Variants in GPRC5A observed in about 807,000 individuals in gnomAD.
The protein encoded by GPRC5A is retinoic acid-induced protein 3.
GPRC5A carries 19 observed loss-of-function variants against 22.5 expected under a neutral mutation model. That is an observed-to-expected ratio of 0.85 (90% CI 0.59 to 1.24). The LOEUF is 1.24. GPRC5A is among the 50% of genes most tolerant of loss of function. The pLI is 0.00. For missense variants in GPRC5A, 471 were observed against 451.1 expected, an observed-to-expected ratio of 1.04 and a Z score of -0.40; for synonymous variants, 192 against 184.5, an observed-to-expected ratio of 1.04 and a Z score of -0.33.
chr12:12,910,127 G>T (rs920449560), intron 2 of GPRC5A, among the ~76,000 whole-genome samples: 1 of 152,034 alleles, frequency 6.6e-6, no homozygotes, highest in East Asian at 1.9e-4. Context: ...CTAATCACAG[G>T]GGGTGGGTGG....
At chr12:12,902,621 T>G (rs148762091) in intron 1 of GPRC5A, among the ~76,000 whole-genome samples, 2 of 151,808 alleles carry the variant, frequency 1.3e-5, no homozygotes, top group Non-Finnish European at 2.9e-5. Flanking sequence ...ATTAAAAAAA[T>G]TAGCCAGGTG....
chr12:12,904,000 G>C (rs960880517), intron 1 of GPRC5A, among the ~76,000 whole-genome samples: 2 of 152,226 alleles, frequency 1.3e-5, no homozygotes, highest in Non-Finnish European at 2.9e-5. Flanking sequence ...GGTGGGGAAG[G>C]AGCAATTGGC....
At position 12,915,610 on chromosome 12, in the gene GPRC5A, TTCCTTCTCC is replaced by T. The variant is rs955772505; in HGVS notation, c.*3085_*3093del. On this transcript the variant is annotated 3_prime_UTR_variant, in exon 4 of 4. Coordinates refer to ENST00000014914, the MANE Select transcript of GPRC5A (RefSeq NM_003979.4). Reference sequence around the variant, plus strand: ...ATCTCTGGACTGTTGTTTCTCCTTCTTCCTTCTCCTCCTTCTCCTCCTCCTCCTCCTCCA... The same window carrying T: ...ATCTCTGGACTGTTGTTTCTCCTTCTTCCTTCTCCTCCTCCTCCTCCTCCA... 4 of 191,250 alleles carry T rather than the reference TTCCTTCTCC, an allele frequency of 2.1e-5. No homozygotes were observed. The highest frequency in any genetic ancestry group is 1.6e-4 in the East Asian group (1 of 6,264). 11.8% of individuals were successfully genotyped at this position (191,250 alleles called of 1,614,324 possible).
In GPRC5A at chr12:12,908,736, A is replaced by T. The variant is rs756796155; in HGVS notation, c.487A>T (p.Asn163Tyr). ...IVLTMNRTNV[N>Y]VFSELSAPRR... ...CCTGACCATGAATAGGACCAACGTC[A>T]ATGTCTTTTCTGAGCTTTCCGCTCC... Residue 163 changes from asparagine to tyrosine, a missense_variant, in exon 2 of 4, where the codon AAT becomes TAT. Transcript: ENST00000014914. The T allele has an allele frequency of 1.9e-5, 30 of 1,613,972 alleles. No individual in the cohort carries two copies. The highest frequency in any genetic ancestry group is 2.4e-5 in the Non-Finnish European group (28 of 1,179,996).
chr12:12,900,802 A>T (rs919982759), intron 1 of GPRC5A, among the ~76,000 whole-genome samples: 8 of 149,518 alleles, frequency 5.4e-5, no homozygotes, highest in African/African-American at 2.0e-4. Context: ...AGGCAGGAGA[A>T]TCACTTGAAC....
chr12:12,902,643 G>C (rs530380922), intron 1 of GPRC5A, among the ~76,000 whole-genome samples: 1 of 152,072 alleles, frequency 6.6e-6, no homozygotes, highest in African/African-American at 2.4e-5. Context: ...GGTGGCATGC[G>C]CTTGTAGTTT....
intron 2 of GPRC5A, among the ~76,000 whole-genome samples, chr12:12,910,694 C>A (rs547840521): frequency 6.6e-6 from 1 of 152,256 alleles, no homozygotes; most frequent in African/African-American, 2.4e-5. Flanking sequence ...ATCAGGCATT[C>A]CCCAGTTTCC....
chr12:12,908,454 T>C lies in GPRC5A; in HGVS notation c.205T>C (p.Phe69Leu). 6.2e-7 allele frequency: 1 copy of C among 1,614,074 alleles called. No individual in the cohort carries two copies. Among genetic ancestry groups the C allele is most frequent in the South Asian group, 1.1e-5 (1 of 91,044 alleles). Residue 69 changes from phenylalanine (F) to leucine (L), a missense_variant, in exon 2 of 4, where the codon TTT becomes CTT. Physicochemically the swap from Phe to Leu is conservative, Grantham distance 22. Coordinates refer to ENST00000014914, the MANE Select transcript of GPRC5A (RefSeq NM_003979.4). ...CAGGCGAAAAATGCTGCCTACTCAG[T>C]TTCTCTTCCTCCTGGGTGTGTTGGG... ...SNRRKMLPTQ[F>L]LFLLGVLGIF...
At chr12:12,900,035 C>G (rs1863865217) in intron 1 of GPRC5A, among the ~76,000 whole-genome samples, 1 of 152,180 alleles carries the variant, frequency 6.6e-6, no homozygotes, top group Non-Finnish European at 1.5e-5. Flanking sequence ...GTTAGAAACC[C>G]AAAGCGGGAG....
chr12:12,893,095 G>T (rs1195035871), intron 1 of GPRC5A, among the ~76,000 whole-genome samples: 1 of 152,222 alleles, frequency 6.6e-6, no homozygotes, highest in Non-Finnish European at 1.5e-5. Context: ...TTCCCGGGAA[G>T]AGCTCTCAAC....
At chr12:12,898,514 A>G (rs1457995895) in intron 1 of GPRC5A, among the ~76,000 whole-genome samples, 2 of 152,096 alleles carry the variant, frequency 1.3e-5, no homozygotes, top group Non-Finnish European at 2.9e-5. Flanking sequence ...AGCCTGGGCG[A>G]CAGAGAGACT....
chr12:12,907,072 A>C (rs2136460382), intron 1 of GPRC5A, among the ~76,000 whole-genome samples: 1 of 150,496 alleles, frequency 6.6e-6, no homozygotes. Flanking sequence ...AAAAACAAAA[A>C]CTCAAAAACA....
chr12:12,908,371 C>A lies in GPRC5A; in HGVS notation c.122C>A (p.Thr41Asn), dbSNP rs1198394992. 7 of 1,614,090 alleles carry A rather than the reference C, an allele frequency of 4.3e-6. No individual in the cohort carries two copies. The highest frequency in any genetic ancestry group is 5.9e-6 in the Non-Finnish European group (7 of 1,180,012). The change falls in exon 2 of 4, where the codon ACC becomes AAC. Residue 41 changes from threonine (T) to asparagine (N), a missense_variant. Transcript: ENST00000014914. The stretch of plus-strand genomic sequence containing the variant: ...ACGGTGGCCACAGCCGGGGTTGTGA[C>A]CTCGGTGGCCTTCATGCTCACTCTC... The part of the protein sequence containing the change: ...LETVATAGVV[T>N]SVAFMLTLPI...
intron 1 of GPRC5A, among the ~76,000 whole-genome samples, chr12:12,906,106 C>G (rs1863938919): frequency 1.3e-5 from 2 of 152,126 alleles, no homozygotes; most frequent in Admixed American, 1.3e-4. Context: ...GTCCTGGCAC[C>G]AGACAACCTG....
At chr12:12,892,746 C>G (rs905069597) in intron 1 of GPRC5A, among the ~76,000 whole-genome samples, 18 of 152,186 alleles carry the variant, frequency 1.2e-4, no homozygotes, top group African/African-American at 4.3e-4. Flanking sequence ...GAAGGACTTT[C>G]CATTCCTGAC....
At chr12:12,896,311 T>C (rs1045605768) in intron 1 of GPRC5A, among the ~76,000 whole-genome samples, 1 of 152,200 alleles carries the variant, frequency 6.6e-6, no homozygotes, top group African/African-American at 2.4e-5. Context: ...TTATTTTCTC[T>C]CATTATTGCA....
intron 2 of GPRC5A, among the ~76,000 whole-genome samples, chr12:12,910,370 C>T (rs1863991435): frequency 6.6e-6 from 1 of 152,150 alleles, no homozygotes; most frequent in Non-Finnish European, 1.5e-5. Context: ...TCACCTCACT[C>T]CTGTACTTCC....
In GPRC5A at chr12:12,917,004, A is replaced by G. The variant is rs1177166495; in HGVS notation, c.*4465A>G. The G allele has an allele frequency of 6.6e-6, 1 of 151,962 alleles. No individual in the cohort carries two copies. Among genetic ancestry groups the G allele is most frequent in the Admixed American group, 6.6e-5 (1 of 15,250 alleles). The allele number at this position is 151,962 out of a possible 1,614,324, so 9.4% of individuals were successfully genotyped here. A position where few individuals can be genotyped will look rare whatever the true frequency, so the allele number is the denominator to read the frequency against. On this transcript the variant is annotated 3_prime_UTR_variant, in exon 4 of 4. Transcript: ENST00000014914. The stretch of plus-strand genomic sequence containing the variant: ...AGTCTGAAACATGGGATTATTTCAG[A>G]ATTGGAGGTGGCAGCTTCAGAAAAA...
rs1242355176 is a variant in GPRC5A, at chr12:12,913,429, GTTGCTCC to G, written c.*894_*900del. On this transcript the variant is annotated 3_prime_UTR_variant, in exon 4 of 4. Coordinates refer to ENST00000014914, the MANE Select transcript of GPRC5A (RefSeq NM_003979.4). ...TTCAGACCTCACTAGCACAAGCCCG[GTTGCTCC>G]TTGTCAGGAGAATTTGTAGATCATT... is the stretch of plus-strand genomic sequence containing the variant. 6.6e-6 allele frequency: 1 copy of G among 152,246 alleles called. No homozygotes were observed. The highest frequency in any genetic ancestry group is 1.5e-5 in the Non-Finnish European group (1 of 68,024). 9.4% of individuals were successfully genotyped at this position (152,246 alleles called of 1,614,324 possible). A position where few individuals can be genotyped will look rare whatever the true frequency, so the allele number is the denominator to read the frequency against.
Sources: gnomAD v4.1 joint callset for allele counts (sites outside exome capture counted in the v4.1 genomes callset) on GRCh38, gnomAD v4.1.1 for gene constraint, MANE v1.5 for transcripts, NCBI Gene and HGNC (gene_info 2026-07-23, HGNC 2026-07-21) for gene names.